PDE9A: variants seen among roughly 807,000 people sequenced by gnomAD.
PDE9A encodes the protein high affinity cGMP-specific 3',5'-cyclic phosphodiesterase 9A.
Under a neutral mutation model 87.4 loss-of-function variants are expected in PDE9A, and 60 were observed. The ratio of observed to expected loss-of-function variants is 0.69; its 90% CI spans 0.56 to 0.85. PDE9A has a LOEUF of 0.85. PDE9A is among the 40% of genes least tolerant of loss of function. The pLI is 0.00. For synonymous variants in PDE9A, 272 were observed against 279.4 expected, an observed-to-expected ratio of 0.97 and a Z score of 0.27; for missense variants, 665 against 779.0, an observed-to-expected ratio of 0.85 and a Z score of 1.74.
intron 19 of PDE9A, among the ~76,000 whole-genome samples, chr21:42,774,096 A>G (rs540029084): frequency 6.6e-6 from 1 of 152,248 alleles, no homozygotes; most frequent in Admixed American, 6.5e-5. Flanking sequence ...ATATAAATAA[A>G]TAAGTAAATA....
chr21:42,775,495 A>AAG lies in PDE9A; in HGVS notation c.*202_*203insAG. ...TTTTAAACTGTCTTTTAAATAATATATTCTTATACGGAAATGGGTACTGTA... is the reference window on the plus strand; with the variant it reads ...TTTTAAACTGTCTTTTAAATAATATAAGTTCTTATACGGAAATGGGTACTGTA... On this transcript the variant is annotated 3_prime_UTR_variant, in exon 20 of 20. Coordinates refer to ENST00000291539, the MANE Select transcript of PDE9A (RefSeq NM_002606.3). The AAG allele has an allele frequency of 1.9e-6, 1 of 514,316 alleles. No homozygotes were observed. The highest frequency in any genetic ancestry group is 3.5e-6 in the Non-Finnish European group (1 of 289,828). The allele number at this position is 514,316 out of a possible 1,614,324, so 31.9% of individuals were successfully genotyped here.
chr21:42,766,060 C>T (rs548418233), intron 15 of PDE9A, among the ~76,000 whole-genome samples: 4 of 152,296 alleles, frequency 2.6e-5, no homozygotes, highest in South Asian at 4.1e-4. Flanking sequence ...GACCAGAGCA[C>T]GACTCATGCC....
intron 17 of PDE9A, 27 bp from the exon 18 acceptor site, chr21:42,770,676 C>G: frequency 6.4e-7 from 1 of 1,570,358 alleles, no homozygotes; most frequent in Non-Finnish European, 8.8e-7. Context: ...ACGAGGGACT[C>G]TGAATAAATC....
At chr21:42,757,933 G>T (rs1158296783) in intron 10 of PDE9A, 3 of 152,366 alleles carry the variant, frequency 2.0e-5, no homozygotes, top group Non-Finnish European at 4.4e-5. Flanking sequence ...GGGGAAGGGG[G>T]CAGTTCAGTT....
chr21:42,658,209 C>T (rs2057234406), intron 1 of PDE9A, among the ~76,000 whole-genome samples: 1 of 152,214 alleles, frequency 6.6e-6, no homozygotes, highest in Non-Finnish European at 1.5e-5. Context: ...CCAACCTCTG[C>T]GGGCCCCAGA....
rs1381657911 is a variant in PDE9A at position 42,687,994 on chromosome 21, G to A, written c.218G>A (p.Arg73His). 6.2e-6 allele frequency: 10 copies of A among 1,611,780 alleles called. No homozygotes were observed. Among genetic ancestry groups the A allele is most frequent in the East Asian group, 4.5e-5 (2 of 44,878 alleles). Residue 73 changes from arginine (R) to histidine (H), a missense_variant and splice_region_variant, in exon 3 of 20, where the codon CGC becomes CAC. By Grantham distance (29) the Arg-to-His change is conservative (BLOSUM62 0). Coordinates refer to ENST00000291539, the MANE Select transcript of PDE9A (RefSeq NM_002606.3). ...IDPTMPANSE[R>H]TPYKVRPVAI... ...CCCACCATGCCCGCGAATTCAGAAC[G>A]GTAAGAGGCTCCGGCCGCGCTCCTC...
intron 4 of PDE9A, among the ~76,000 whole-genome samples, chr21:42,714,000 T>C (rs1190819515): frequency 6.8e-6 from 1 of 147,692 alleles, no homozygotes; most frequent in Non-Finnish European, 1.5e-5. Context: ...TTGTTAAAAC[T>C]TTTTTTTTCA....
chr21:42,742,457 CTTTT>C (rs60925435), intron 7 of PDE9A, among the ~76,000 whole-genome samples: 3 of 71,522 alleles, frequency 4.2e-5, no homozygotes, highest in Non-Finnish European at 7.6e-5. Context: ...AAGCTGTCTG[CTTTT>C]TTTTTTTTTT....
intron 4 of PDE9A, among the ~76,000 whole-genome samples, chr21:42,729,995 G>A (rs1350103130): frequency 6.6e-6 from 1 of 152,144 alleles, no homozygotes; most frequent in Non-Finnish European, 1.5e-5. Context: ...GGGTGAAGTG[G>A]TCTGTAAATA....
In PDE9A at chr21:42,743,807, A is replaced by G; in HGVS notation, c.600A>G (p.Lys200=). 6.3e-7 allele frequency: 1 copy of G among 1,594,366 alleles called. No individual in the cohort carries two copies. The highest frequency in any genetic ancestry group is 1.3e-5 in the African/African-American group (1 of 74,538). ...LEGLKVVEIE[K]CKSDIKKMRE... is the part of the protein sequence containing the mutation. The stretch of plus-strand genomic sequence containing the variant: ...GACTAAAAGTGGTGGAGATTGAGAA[A>G]TGCAAGAGTGACATTAAGAAGATGA... Residue 200 remains lysine, a synonymous_variant, in exon 8 of 20, where the codon AAA becomes AAG. Transcript: ENST00000291539.
chr21:42,761,155 G>C (rs989682597), intron 13 of PDE9A, among the ~76,000 whole-genome samples: 96 of 152,358 alleles, frequency 6.3e-4, no homozygotes, highest in African/African-American at 2.0e-3. Context: ...GTGCGGGCCT[G>C]GCTTCAGGCT....
rs1170393357 is a variant in PDE9A at position 42,760,125 on chromosome 21, C to T, written c.898-203C>T. Among the ~76,000 whole-genome samples the T allele has an allele frequency of 2.0e-5, 3 of 152,004 alleles. No homozygotes were observed. The highest frequency in any genetic ancestry group is 4.4e-5 in the Non-Finnish European group (3 of 67,982). ...CTGTCCCCACACCTGCCCCGGGTGCCGTGGTGTGGCCCGCTGGACGTTCTC... is the reference window on the plus strand; with the variant it reads ...CTGTCCCCACACCTGCCCCGGGTGCTGTGGTGTGGCCCGCTGGACGTTCTC... On this transcript the variant is annotated intron_variant, in intron 11 of 19. Transcript: ENST00000291539. The surrounding 1 kb of genome is among the most constrained non-coding windows in gnomAD (Gnocchi z 5.2).
intron 4 of PDE9A, among the ~76,000 whole-genome samples, chr21:42,713,700 T>C (rs2049554276): frequency 1.3e-5 from 2 of 152,228 alleles, no homozygotes; most frequent in African/African-American, 4.8e-5. Flanking sequence ...GTCTTTTTAA[T>C]AGTTAATAAC....
At chr21:42,655,159 C>T (rs925074287) in intron 1 of PDE9A, among the ~76,000 whole-genome samples, 17 of 152,108 alleles carry the variant, frequency 1.1e-4, no homozygotes, top group Middle Eastern at 3.2e-3. Flanking sequence ...AACACACACA[C>T]GCACACACGT....
chr21:42,720,007 G>A (rs4920137), intron 4 of PDE9A, among the ~76,000 whole-genome samples: 105,128 of 152,116 alleles, frequency 0.69, 37,686 homozygotes, highest in East Asian at 0.94. Context: ...CAGACACGAT[G>A]AGCCAGAGTT....
At chr21:42,742,916 C>A (rs549272501) in intron 7 of PDE9A, among the ~76,000 whole-genome samples, 1 of 152,176 alleles carries the variant, frequency 6.6e-6, no homozygotes, top group African/African-American at 2.4e-5. Context: ...TAGGGAGGGT[C>A]AGAATCTCGT....
In PDE9A at chr21:42,667,080, G is replaced by A. The variant is rs143847332; in HGVS notation, c.69+13197G>A. 9.5e-4 allele frequency among the ~76,000 whole-genome samples: 141 copies of A among 148,168 alleles called. 1 individual carries two copies. Among genetic ancestry groups the A allele is most frequent in the Middle Eastern group, 3.5e-3 (1 of 288 alleles). On this transcript the variant is annotated intron_variant, in intron 1 of 19. Transcript: ENST00000291539. ...ACTGCCCATTCACTCCCTGTACACA[G>A]ACTGCTTCTTTGTCCTCCAGCCAGG...
At chr21:42,748,561 C>T (rs2054110064) in intron 8 of PDE9A, among the ~76,000 whole-genome samples, 1 of 152,326 alleles carries the variant, frequency 6.6e-6, no homozygotes, top group Middle Eastern at 3.4e-3. Context: ...AGCACAGGCT[C>T]ATTGGAAAAC....
intron 1 of PDE9A, among the ~76,000 whole-genome samples, chr21:42,677,066 A>G (rs1465258046): frequency 6.6e-6 from 1 of 152,190 alleles, no homozygotes; most frequent in Non-Finnish European, 1.5e-5. Context: ...TGTGATGGAA[A>G]GACAGGCTGC....
Sources: gnomAD v4.1 joint callset for allele counts (sites outside exome capture counted in the v4.1 genomes callset) on GRCh38, gnomAD v4.1.1 for gene constraint, Gnocchi (gnomAD v3.1) non-coding constraint, MANE v1.5 for transcripts, NCBI Gene and HGNC (gene_info 2026-07-23, HGNC 2026-07-21) for gene names.